The following KEL variants were observed in gnomAD, a reference collection of about 807,000 sequenced individuals.
KEL encodes the protein Kell metallo-endopeptidase (Kell blood group).
KEL carries 96 observed loss-of-function variants against 99.5 expected under a neutral mutation model. The observed-to-expected ratio is 0.97, with a 90% confidence interval of 0.82 to 1.14. The LOEUF (loss-of-function observed/expected upper bound fraction) is 1.14, where lower values mean the gene tolerates loss of function less well. KEL is among the 50% of genes most tolerant of loss of function. The pLI is 0.00. For missense variants in KEL, 926 were observed against 924.2 expected (o/e 1.00, Z -0.03); for synonymous variants, 355 against 354.8 (o/e 1.00, Z -0.01).
intron 10 of KEL, 51 bp downstream of exon 10, chr7:142,952,458 G>A: frequency 6.2e-7 from 1 of 1,603,926 alleles, no homozygotes; most frequent in East Asian, 2.2e-5. Flanking sequence ...CCTCAAAAGA[G>A]TAGATACTCC....
At position 142,941,216 on chromosome 7, in the gene KEL, C is replaced by A. The variant is rs373209391; in HGVS notation, c.*36G>T. 1.2e-6 allele frequency: 2 copies of A among 1,611,020 alleles called. No individual in the cohort carries two copies. Among genetic ancestry groups the A allele is most frequent in the Non-Finnish European group, 1.7e-6 (2 of 1,177,348 alleles). ...TGGATGTGACCAGGGAGGTGTTGGTCGATATTTCTGTGCTGTGGCATCTTT... is the reference window on the plus strand; with the variant it reads ...TGGATGTGACCAGGGAGGTGTTGGTAGATATTTCTGTGCTGTGGCATCTTT... On this transcript the variant is annotated 3_prime_UTR_variant, in exon 19 of 19. Coordinates refer to ENST00000355265, the MANE Select transcript of KEL (RefSeq NM_000420.3).
chr7:142,951,558 TCTC>T (rs1458031195), intron 10 of KEL, among the ~76,000 whole-genome samples: 3 of 152,130 alleles, frequency 2.0e-5, no homozygotes, highest in Non-Finnish European at 4.4e-5. Flanking sequence ...CGTGCCTCTG[TCTC>T]CTCCTCTTTA....
chr7:142,950,238 A>C (rs1229908726), intron 10 of KEL, among the ~76,000 whole-genome samples: 1 of 152,214 alleles, frequency 6.6e-6, no homozygotes, highest in Non-Finnish European at 1.5e-5. Flanking sequence ...AGAGAGAAGC[A>C]AAAGTCCTTC....
chr7:142,943,640 G>T lies in KEL; in HGVS notation c.1593-44C>A, dbSNP rs1562957122. 6 of 1,465,588 alleles carry T rather than the reference G, an allele frequency of 4.1e-6. No homozygotes were observed. The South Asian group carries it at 7.0e-5, about 17-fold the overall frequency. 90.8% of individuals were successfully genotyped at this position (1,465,588 alleles called of 1,614,324 possible). On this transcript the variant is annotated intron_variant, in intron 14 of 18. Transcript: ENST00000355265. ...TGAACTCCAGCCCCCACCACGTATT[G>T]CCCTGCCACCCTGAGACCTACACAG...
chr7:142,943,599 G>A lies in KEL; in HGVS notation c.1593-3C>T. 6.2e-7 allele frequency: 1 copy of A among 1,607,476 alleles called. No individual in the cohort carries two copies. The highest frequency in any genetic ancestry group is 1.1e-5 in the South Asian group (1 of 90,858). ...CGTCCCAAGGGGACACCTTCCACCT[G>A]TGGGAAGAGGACATGTGAACTCCAG... is the stretch of plus-strand genomic sequence containing the variant. On this transcript the variant is annotated splice_polypyrimidine_tract_variant and splice_region_variant and intron_variant, in intron 14 of 18. Coordinates refer to ENST00000355265, the MANE Select transcript of KEL (RefSeq NM_000420.3).
At chr7:142,941,442 G>A (rs767592585) in intron 18 of KEL, 29 bp from the exon 19 acceptor site, 1 of 1,559,940 alleles carries the variant, frequency 6.4e-7, no homozygotes, top group East Asian at 2.3e-5. Flanking sequence ...CATTGAAGGG[G>A]GAGGGTCCAC....
chr7:142,948,869 A>G (rs1796600562), intron 10 of KEL, among the ~76,000 whole-genome samples: 1 of 150,732 alleles, frequency 6.6e-6, no homozygotes, highest in Non-Finnish European at 1.5e-5. Flanking sequence ...CCACAGGAGA[A>G]GGGTAGCCCA....
At chr7:142,944,940 A>T (rs1291104497) in intron 11 of KEL, 199 bp from the exon 12 acceptor site, 1 of 632,304 alleles carries the variant, frequency 1.6e-6, no homozygotes, top group Non-Finnish European at 2.8e-6. Flanking sequence ...CCACAAAGGG[A>T]AGGTGGGGCC....
At position 142,960,997 on chromosome 7, in the gene KEL, C is replaced by A; in HGVS notation, c.331G>T (p.Ala111Ser). The change falls in exon 4 of 19, where the codon GCC becomes TCC. Residue 111 changes from alanine (A) to serine (S), a missense_variant. By Grantham distance (99) the Ala-to-Ser change is moderately conservative. Transcript: ENST00000355265. ...TDFFSFACGR[A>S]KETNNSFQEL... is the part of the protein sequence containing the mutation. ...TGAAAAGAATTATTGGTCTCTTTGG[C>A]CCTTCCACAGGCAAAGCTGAAGAAG... 6.2e-7 allele frequency: 1 copy of A among 1,614,206 alleles called. No individual in the cohort carries two copies.
chr7:142,957,566 G>C (rs924461772), intron 6 of KEL, among the ~76,000 whole-genome samples: 3 of 152,190 alleles, frequency 2.0e-5, no homozygotes, highest in African/African-American at 7.2e-5. Context: ...GACTGGTTAA[G>C]GGGCTCTGAG....
chr7:142,953,267 G>T, intron 9 of KEL: 2 of 790,578 alleles, frequency 2.5e-6, no homozygotes, highest in Non-Finnish European at 3.1e-6. Context: ...TTGATTTCCT[G>T]ACACCAGCAG....
intron 4 of KEL, among the ~76,000 whole-genome samples, 183 bp downstream of exon 4, chr7:142,960,745 G>A (rs1303109401): frequency 1.3e-5 from 2 of 152,126 alleles, no homozygotes; most frequent in East Asian, 3.9e-4. Context: ...AGCAAACCCA[G>A]GCAGCTCCCG....
intron 17 of KEL, 121 bp from the exon 18 acceptor site, chr7:142,942,650 T>C (rs576341102): frequency 1.3e-4 from 114 of 880,882 alleles, no homozygotes; most frequent in Non-Finnish European, 2.0e-4. Flanking sequence ...GACTAGTTGA[T>C]CTGAGCCAGA....
intron 11 of KEL, among the ~76,000 whole-genome samples, chr7:142,945,126 T>G (rs1454095099): frequency 6.6e-6 from 1 of 152,222 alleles, no homozygotes; most frequent in Non-Finnish European, 1.5e-5. Context: ...CACACTGTCT[T>G]TTTTAAACCG....
rs1450664466 is a variant in KEL at position 142,942,910 on chromosome 7, C to T, written c.1906G>A (p.Ala636Thr). 3 of 1,614,206 alleles carry T rather than the reference C, an allele frequency of 1.9e-6. No homozygotes were observed. Among genetic ancestry groups the T allele is most frequent in the Non-Finnish European group, 2.5e-6 (3 of 1,180,048 alleles). ...FNDSLTFLENAADVGGLAIAL... is the reference protein window; with the variant it reads ...FNDSLTFLENTADVGGLAIAL... ...ATGGCTAGCCCCCCAACGTCTGCAGCATTCTCTAAGAATGTGAGGGAGTCA... is the reference window on the plus strand; with the variant it reads ...ATGGCTAGCCCCCCAACGTCTGCAGTATTCTCTAAGAATGTGAGGGAGTCA... The change falls in exon 17 of 19, where the codon GCT becomes ACT. Residue 636 changes from alanine to threonine, a missense_variant. Physicochemically the swap from Ala to Thr is moderately conservative, Grantham distance 58. Transcript: ENST00000355265.
chr7:142,961,125 C>G, intron 3 of KEL, 21 bp from the exon 4 acceptor site: 1 of 1,612,590 alleles, frequency 6.2e-7, no homozygotes, highest in East Asian at 2.2e-5. Context: ...AAGCTCAGAG[C>G]TGGGAAAGAA....
At position 142,943,356 on chromosome 7, in the gene KEL, G is replaced by A; in HGVS notation, c.1704-13C>T. On this transcript the variant is annotated splice_polypyrimidine_tract_variant and intron_variant, in intron 15 of 18. Coordinates refer to ENST00000355265, the MANE Select transcript of KEL (RefSeq NM_000420.3). ...AAAGTTCACGGCTCTAGGGAGACAA[G>A]GGCTTATTTGACCCCCAGAATCTCT... The A allele has an allele frequency of 6.2e-7, 1 of 1,613,978 alleles. No homozygotes were observed. The highest frequency in any genetic ancestry group is 1.1e-5 in the South Asian group (1 of 91,024).
intron 10 of KEL, among the ~76,000 whole-genome samples, chr7:142,948,696 T>C (rs2116655730): frequency 6.6e-6 from 1 of 152,252 alleles, no homozygotes; most frequent in South Asian, 2.1e-4. Context: ...AAAAGGCTTA[T>C]GTAACTGAGG....
chr7:142,960,844 T>C lies in KEL; in HGVS notation c.400+84A>G, dbSNP rs1796937167. On this transcript the variant is annotated intron_variant, in intron 4 of 18. Coordinates refer to ENST00000355265, the MANE Select transcript of KEL (RefSeq NM_000420.3). Reference sequence around the variant, plus strand: ...TGGTGCAAATCAGTTGTTCCACAACTACACAGGGTTTGGAGCAGTCATGGT... The same window carrying C: ...TGGTGCAAATCAGTTGTTCCACAACCACACAGGGTTTGGAGCAGTCATGGT... 5 of 1,348,818 alleles carry C rather than the reference T, an allele frequency of 3.7e-6. No homozygotes were observed. The South Asian group carries it at 5.8e-5, about 16-fold the overall frequency. 83.6% of individuals were successfully genotyped at this position (1,348,818 alleles called of 1,614,324 possible). A position where few individuals can be genotyped will look rare whatever the true frequency, so the allele number is the denominator to read the frequency against.
Sources: allele counts gnomAD v4.1 joint callset (sites outside exome capture counted in the v4.1 genomes callset), GRCh38; gene constraint gnomAD v4.1.1; transcripts MANE v1.5; gene names NCBI Gene and HGNC (gene_info 2026-07-23, HGNC 2026-07-21).